Variants in ETS1 observed in about 807,000 individuals in gnomAD.
ETS1 encodes the protein ETS proto-oncogene 1, transcription factor, also known as protein C-ets-1.
In ETS1, 15 loss-of-function variants were observed where a neutral mutation model predicts 58.6. The ratio of observed to expected loss-of-function variants is 0.26; its 90% CI spans 0.17 to 0.39. The LOEUF (loss-of-function observed/expected upper bound fraction) is 0.39. Among genes scored for constraint, ETS1 ranks in the 10% least tolerant of loss-of-function variants. ETS1 has a pLI of 1.00. For missense variants in ETS1, 417 were observed against 610.5 expected (o/e 0.68, Z 3.34); for synonymous variants, 214 against 218.2 (o/e 0.98, Z 0.17).
chr11:128,516,918 GA>G (rs1863541055), intron 3 of ETS1, among the ~76,000 whole-genome samples: 1 of 152,164 alleles, frequency 6.6e-6, no homozygotes, highest in African/African-American at 2.4e-5. Context: ...TGATGAAGGG[GA>G]AGAAATGGGC....
At position 128,460,020 on chromosome 11, in the gene ETS1, CT is replaced by C. The variant is rs1446285337; in HGVS notation, c.*2340del. The C allele has an allele frequency of 6.6e-6, 1 of 152,518 alleles. No individual in the cohort carries two copies. The highest frequency in any genetic ancestry group is 1.5e-5 in the Non-Finnish European group (1 of 68,026). The allele number at this position is 152,518 out of a possible 1,614,324, so 9.4% of individuals were successfully genotyped here. A position where few individuals can be genotyped will look rare whatever the true frequency, so the allele number is the denominator to read the frequency against. On this transcript the variant is annotated 3_prime_UTR_variant, in exon 10 of 10. Coordinates refer to ENST00000392668, the MANE Select transcript of ETS1 (RefSeq NM_001143820.2). ...TACCCATTATTGAAATGTGGAAAGA[CT>C]TACCTAGAAATCTAAGGTATTATTT...
intron 3 of ETS1, among the ~76,000 whole-genome samples, chr11:128,512,265 G>A (rs907206847): frequency 5.9e-5 from 9 of 152,082 alleles, no homozygotes; most frequent in Non-Finnish European, 1.0e-4. Context: ...CAAAGTTTGC[G>A]CCCAATAACT....
chr11:128,490,822 G>A (rs532697247), intron 3 of ETS1, among the ~76,000 whole-genome samples: 8 of 150,964 alleles, frequency 5.3e-5, no homozygotes, highest in South Asian at 4.2e-4. Context: ...GGGTTCAAGC[G>A]ATTCTCCTGC....
At chr11:128,533,697 C>T (rs888561693) in intron 3 of ETS1, among the ~76,000 whole-genome samples, 2 of 152,142 alleles carry the variant, frequency 1.3e-5, no homozygotes, top group East Asian at 3.8e-4. Flanking sequence ...CAAGGCCTTG[C>T]TAGATAAAAT....
chr11:128,587,000 T>C (rs919711822), intron 1 of ETS1, among the ~76,000 whole-genome samples: 3 of 152,118 alleles, frequency 2.0e-5, no homozygotes, highest in Non-Finnish European at 2.9e-5. Flanking sequence ...ACAGGCTAGT[T>C]TGGCTAGCAA....
chr11:128,544,533 C>T (rs1261659722), intron 3 of ETS1, among the ~76,000 whole-genome samples: 1 of 151,806 alleles, frequency 6.6e-6, no homozygotes, highest in Non-Finnish European at 1.5e-5. Context: ...CAATTCCATT[C>T]TTTTCCAAGG....
chr11:128,519,973 G>A (rs1422870968), intron 3 of ETS1, among the ~76,000 whole-genome samples: 1 of 152,114 alleles, frequency 6.6e-6, no homozygotes. Context: ...ACAATGAATG[G>A]CAGAAGACTG....
intron 3 of ETS1, among the ~76,000 whole-genome samples, chr11:128,492,196 A>G (rs1862820265): frequency 6.6e-6 from 1 of 152,366 alleles, no homozygotes; most frequent in South Asian, 2.1e-4. Flanking sequence ...AAATTCTTCA[A>G]CTGGCCATTT....
At chr11:128,535,205 T>C (rs1458998934) in intron 3 of ETS1, among the ~76,000 whole-genome samples, 2 of 152,268 alleles carry the variant, frequency 1.3e-5, no homozygotes, top group Non-Finnish European at 1.5e-5. Context: ...GTCATATGTT[T>C]GTTGGACACA....
Position 128,519,860 on chromosome 11 carries a change from G to T in ETS1, c.215-29284C>A, listed in dbSNP as rs1177810832. Among the ~76,000 whole-genome samples, 3 of 145,350 alleles carry T rather than the reference G, an allele frequency of 2.1e-5. No individual in the cohort carries two copies. The East Asian group carries it at 5.8e-4, about 28-fold the overall frequency. ...AATGTTCGCATATAAGCAACTAAAG[G>T]TCCAGAAAAAAAAAAGTTGATTATA... On this transcript the variant is annotated intron_variant, in intron 3 of 9. Coordinates refer to ENST00000392668, the MANE Select transcript of ETS1 (RefSeq NM_001143820.2).
chr11:128,533,978 A>G (rs1863937012), intron 3 of ETS1, among the ~76,000 whole-genome samples: 1 of 152,250 alleles, frequency 6.6e-6, no homozygotes, highest in Admixed American at 6.5e-5. Flanking sequence ...CTAAGATGGT[A>G]CATTCAGGCC....
At chr11:128,546,649 T>C (rs1483020329) in intron 3 of ETS1, among the ~76,000 whole-genome samples, 2 of 152,214 alleles carry the variant, frequency 1.3e-5, no homozygotes, top group Admixed American at 1.3e-4. Flanking sequence ...GCAAATATTC[T>C]TTAAAAAAAA....
At chr11:128,546,944 TTAG>T (rs1448713279) in intron 3 of ETS1, among the ~76,000 whole-genome samples, 2 of 152,162 alleles carry the variant, frequency 1.3e-5, no homozygotes, top group African/African-American at 4.8e-5. Context: ...CCAGCTCACT[TTAG>T]GGAGGTCCCA....
intron 2 of ETS1, among the ~76,000 whole-genome samples, chr11:128,566,626 A>C (rs993814876): frequency 5.9e-5 from 9 of 152,242 alleles, no homozygotes; most frequent in Non-Finnish European, 1.2e-4. Context: ...TACTAAAAAT[A>C]CAAAAAATTA....
intron 3 of ETS1, among the ~76,000 whole-genome samples, chr11:128,503,429 G>C (rs1461226632): frequency 2.0e-5 from 3 of 152,114 alleles, no homozygotes; most frequent in Non-Finnish European, 4.4e-5. Flanking sequence ...AGATGCTCAG[G>C]GTCCAGACCA....
chr11:128,480,501 GA>G (rs367685769), intron 7 of ETS1, 50 bp from the exon 8 acceptor site: 14,383 of 1,031,544 alleles, frequency 0.014, no homozygotes, highest in South Asian at 0.017. Flanking sequence ...GAGGGAGTGG[GA>G]AAAAAAAAAA....
In ETS1 at chr11:128,484,935, G is replaced by C. The variant is rs1221167566; in HGVS notation, c.750C>G (p.Pro250=). The part of the protein sequence containing the change: ...LLSLKYENDY[P]SVILRDPLQT... ...GGAGAGGGTCTCGGAGAATGACCGA[G>C]GGGTAGTCATTCTCATACTTGAGGG... is the stretch of plus-strand genomic sequence containing the variant. Residue 250 remains proline, a synonymous_variant, in exon 7 of 10, where the codon CCC becomes CCG. Transcript: ENST00000392668. 8.1e-6 allele frequency: 13 copies of C among 1,613,910 alleles called. No individual in the cohort carries two copies. The highest frequency in any genetic ancestry group is 1.1e-5 in the Non-Finnish European group (13 of 1,179,836).
intron 8 of ETS1, among the ~76,000 whole-genome samples, chr11:128,466,068 T>G (rs1162386831): frequency 6.6e-6 from 1 of 152,168 alleles, no homozygotes; most frequent in Non-Finnish European, 1.5e-5. Context: ...AAAAACTCTC[T>G]CCCCTACTTC....
At chr11:128,484,133 A>G (rs1345163513) in intron 7 of ETS1, among the ~76,000 whole-genome samples, 1 of 152,166 alleles carries the variant, frequency 6.6e-6, no homozygotes, top group Non-Finnish European at 1.5e-5. Flanking sequence ...CTATTTTTAA[A>G]CACTTTCTTC....
Sources: gnomAD v4.1 joint callset for allele counts (sites outside exome capture counted in the v4.1 genomes callset) on GRCh38, gnomAD v4.1.1 for gene constraint, MANE v1.5 for transcripts, NCBI Gene and HGNC (gene_info 2026-07-23, HGNC 2026-07-21) for gene names.